The following ACCS variants were observed in gnomAD, a reference collection of about 807,000 sequenced individuals.
ACCS encodes the protein 1-aminocyclopropane-1-carboxylate synthase homolog (inactive), also known as 1-aminocyclopropane-1-carboxylate synthase-like protein 1.
Under a neutral mutation model 59.8 loss-of-function variants are expected in ACCS, and 42 were observed. That is an observed-to-expected ratio of 0.70 (90% confidence interval 0.55 to 0.91). The LOEUF is 0.91. Among genes scored for constraint, ACCS ranks in the 40% least tolerant of loss-of-function variants. The probability of loss-of-function intolerance (pLI) is 0.00; values close to 1 mark genes in which losing one functional copy is unlikely to be tolerated. For missense variants in ACCS, 602 were observed against 630.4 expected (o/e 0.95, Z 0.48); for synonymous variants, 230 against 240.3 (o/e 0.96, Z 0.40).
intron 7 of ACCS, 22 bp from the exon 8 acceptor site, chr11:44,077,823 G>A: frequency 6.2e-7 from 1 of 1,611,212 alleles, no homozygotes; most frequent in Non-Finnish European, 8.5e-7. Flanking sequence ...GTGGCTGGTG[G>A]CTCTGATGGG....
Position 44,073,523 on chromosome 11 carries a change from T to C in ACCS, c.419+6T>C. 6.2e-7 allele frequency: 1 copy of C among 1,602,788 alleles called. No individual in the cohort carries two copies. Among genetic ancestry groups the C allele is most frequent in the Non-Finnish European group, 8.5e-7 (1 of 1,173,930 alleles). Reference sequence around the variant, plus strand: ...GACTGGAGGGGACATCTGTTGTAAGTAGTTGCCATAGGGTGAGTTTGTCCC... The same window carrying C: ...GACTGGAGGGGACATCTGTTGTAAGCAGTTGCCATAGGGTGAGTTTGTCCC... On this transcript the variant is annotated splice_donor_region_variant and intron_variant, in intron 4 of 14. Coordinates refer to ENST00000263776, the MANE Select transcript of ACCS (RefSeq NM_032592.4).
intron 3 of ACCS, chr11:44,071,658 C>G (rs142623489): frequency 8.2e-4 from 183 of 222,660 alleles, no homozygotes; most frequent in African/African-American, 4.0e-3. Context: ...TGTAGTTTTG[C>G]CAATTTCCGT....
At position 44,079,435 on chromosome 11, in the gene ACCS, G is replaced by A. The variant is rs1232434654; in HGVS notation, c.834-96G>A. On this transcript the variant is annotated intron_variant, in intron 9 of 14. Transcript: ENST00000263776. Reference sequence around the variant, plus strand: ...GTTTGGTAACCCCGGGCTAGACCCCGGCCCCTCTGGATTTCTGATGTATTA... The same window carrying A: ...GTTTGGTAACCCCGGGCTAGACCCCAGCCCCTCTGGATTTCTGATGTATTA... 35 of 992,916 alleles carry A rather than the reference G, an allele frequency of 3.5e-5. 1 individual carries two copies. The highest frequency in any genetic ancestry group is 2.2e-4 in the South Asian group (15 of 66,974). 61.5% of individuals were successfully genotyped at this position (992,916 alleles called of 1,614,324 possible).
At chr11:44,067,586 G>T (rs1312755598) in intron 1 of ACCS, 42 bp from the exon 2 acceptor site, 1 of 1,548,252 alleles carries the variant, frequency 6.5e-7, no homozygotes, top group Non-Finnish European at 8.7e-7. Flanking sequence ...TTGGTGCTAT[G>T]GAAATCCCTT....
At chr11:44,071,425 AAT>A in intron 3 of ACCS, 110 bp downstream of exon 3, 1 of 1,266,840 alleles carries the variant, frequency 7.9e-7, no homozygotes, top group Non-Finnish European at 1.1e-6. Context: ...CTGGCCTGGG[AAT>A]CAGGAGACCC....
chr11:44,080,893 A>G, intron 10 of ACCS, 127 bp from the exon 11 acceptor site: 1 of 1,229,282 alleles, frequency 8.1e-7, no homozygotes, highest in Non-Finnish European at 1.2e-6. Context: ...GTTCAAAGAC[A>G]TGAAACCAGG....
intron 12 of ACCS, among the ~76,000 whole-genome samples, chr11:44,082,810 T>C (rs1953700060): frequency 6.6e-6 from 1 of 152,148 alleles, no homozygotes; most frequent in Non-Finnish European, 1.5e-5. Context: ...CCCCTTGTCA[T>C]TGGCCACACT....
intron 10 of ACCS, 35 bp downstream of exon 10, chr11:44,079,655 C>T (rs1953548686): frequency 1.3e-6 from 2 of 1,569,644 alleles, no homozygotes; most frequent in South Asian, 1.2e-5. Flanking sequence ...TCCCCCAGTC[C>T]CTATTATCCC....
In ACCS at chr11:44,075,542, G is replaced by A. The variant is rs550245843; in HGVS notation, c.506G>A (p.Gly169Asp). The change falls in exon 6 of 15, where the codon GGT (glycine) becomes GAT (aspartate). Residue 169 changes from glycine to aspartate, a missense_variant. Gly to Asp is a moderately conservative substitution (Grantham distance 94, BLOSUM62 -1). Coordinates refer to ENST00000263776, the MANE Select transcript of ACCS (RefSeq NM_032592.4). ...LRPENVVVLN[G>D]GASLFSALAT... ...CGCCCTTAGGTGGTTGTCCTGAATG[G>A]TGGTGCCTCGCTCTTCTCTGCTCTG... 6 of 1,614,174 alleles carry A rather than the reference G, an allele frequency of 3.7e-6. No individual in the cohort carries two copies. The highest frequency in any genetic ancestry group is 3.3e-5 in the South Asian group (3 of 91,086).
chr11:44,078,368 A>T (rs1022827660), intron 8 of ACCS: 5 of 305,136 alleles, frequency 1.6e-5, no homozygotes, highest in African/African-American at 6.4e-5. Context: ...AATCTACTTA[A>T]TTTTTTTTTA....
chr11:44,083,175 T>C lies in ACCS; in HGVS notation c.1118T>C (p.Ile373Thr). Residue 373 changes from isoleucine to threonine, a missense_variant, in exon 13 of 15, where the codon ATC becomes ACC. Ile to Thr is a moderately conservative substitution (Grantham distance 89). Transcript: ENST00000263776. ...MAQLLRDRDW[I>T]NQVYLPENHA... ...GCCTCTTTCACCCAAACAGACTGGA[T>C]CAACCAGGTGTACCTGCCGGAAAAC... 6.2e-7 allele frequency: 1 copy of C among 1,614,008 alleles called. No individual in the cohort carries two copies.
At chr11:44,074,831 T>G in intron 5 of ACCS, 150 bp downstream of exon 5, 1 of 419,748 alleles carries the variant, frequency 2.4e-6, no homozygotes, top group Non-Finnish European at 3.8e-6. Context: ...TTTTTTATTT[T>G]TTTTATTTTT....
At position 44,081,728 on chromosome 11, in the gene ACCS, G is replaced by T. The variant is rs536634861; in HGVS notation, c.1111+408G>T. 3.9e-5 allele frequency among the ~76,000 whole-genome samples: 6 copies of T among 152,310 alleles called. No individual in the cohort carries two copies. The East Asian group carries it at 7.7e-4, about 20-fold the overall frequency. On this transcript the variant is annotated intron_variant, in intron 12 of 14. Transcript: ENST00000263776. ...TTCATGCCTGTAATTTCAGCACTTT[G>T]GGAGGCTGAGGTGGGAGGATCACTT...
chr11:44,075,713 G>T (rs1276112847), intron 6 of ACCS, 121 bp downstream of exon 6: 21 of 1,192,024 alleles, frequency 1.8e-5, no homozygotes, highest in Non-Finnish European at 2.4e-5. Flanking sequence ...ATACTAGACT[G>T]CAGGGGGCTT....
At position 44,074,795 on chromosome 11, in the gene ACCS, TCTCC is replaced by T. The variant is rs1405060738; in HGVS notation, c.489+115_489+118del. ...TTCTTTTTCTCTCTCTCTCTCTTTC[TCTCC>T]TTCCTTCCTTCTCTTTTTTTTTTTT... On this transcript the variant is annotated intron_variant, in intron 5 of 14. Transcript: ENST00000263776. 1,086 of 382,658 alleles carry T rather than the reference TCTCC, an allele frequency of 2.8e-3. 20 individuals are homozygous for T. The highest frequency in any genetic ancestry group is 5.6e-3 in the East Asian group (82 of 14,654). 23.7% of individuals were successfully genotyped at this position (382,658 alleles called of 1,614,324 possible). A position where few individuals can be genotyped will look rare whatever the true frequency, so the allele number is the denominator to read the frequency against.
intron 2 of ACCS, 29 bp from the exon 3 acceptor site, chr11:44,071,227 A>T: frequency 6.2e-7 from 1 of 1,613,660 alleles, no homozygotes; most frequent in Non-Finnish European, 8.5e-7. Context: ...CTGCCATGCT[A>T]ACTCTGCCTC....
chr11:44,077,630 A>C (rs929069515), intron 7 of ACCS: 2 of 1,436,138 alleles, frequency 1.4e-6, no homozygotes, highest in Non-Finnish European at 1.8e-6. Flanking sequence ...AGAGCAGGGT[A>C]GACCTAAGCA....
chr11:44,082,885 A>G (rs1953702988), intron 12 of ACCS, among the ~76,000 whole-genome samples: 1 of 151,980 alleles, frequency 6.6e-6, no homozygotes, highest in African/African-American at 2.4e-5. Context: ...CTAGATAAAC[A>G]TTGGGTTCGA....
At chr11:44,078,987 A>G in intron 9 of ACCS, 1 of 574,546 alleles carries the variant, frequency 1.7e-6, no homozygotes, top group Non-Finnish European at 3.1e-6. Context: ...AATAGCTATC[A>G]ATTAGCGCAC....
Sources: allele counts gnomAD v4.1 joint callset (sites outside exome capture counted in the v4.1 genomes callset), GRCh38; gene constraint gnomAD v4.1.1; transcripts MANE v1.5; gene names NCBI Gene and HGNC (gene_info 2026-07-23, HGNC 2026-07-21).